ZNF517: variants seen among roughly 807,000 people sequenced by gnomAD.
The protein encoded by ZNF517 is zinc finger protein 517.
ZNF517 carries 12 observed loss-of-function variants against 12.1 expected under a neutral mutation model. The observed-to-expected ratio is 0.99, with a 90% CI of 0.63 to 1.61. ZNF517 has a LOEUF of 1.61. Ranked by LOEUF, ZNF517 falls within the 40% of genes most tolerant of loss-of-function variation. ZNF517 has a pLI of 0.00. For missense variants in ZNF517, 781 were observed against 693.2 expected (o/e 1.13, Z -1.42); for synonymous variants, 388 against 310.2 (o/e 1.25, Z -2.63).
downstream of ZNF517, among the ~76,000 whole-genome samples, chr8:144,812,271 A>G (rs1827580752): frequency 7.1e-6 from 1 of 140,986 alleles, no homozygotes; most frequent in Non-Finnish European, 1.5e-5. Flanking sequence ...GCAGAATGGA[A>G]GCAAAGGCTG....
chr8:144,808,069 C>T lies in ZNF517; in HGVS notation c.1153C>T (p.Leu385=). 1.2e-6 allele frequency: 2 copies of T among 1,609,574 alleles called. No homozygotes were observed. Among genetic ancestry groups the T allele is most frequent in the Non-Finnish European group, 1.7e-6 (2 of 1,178,418 alleles). ...GTTCCGACACAACTCCCTGCTGCTG[C>T]TGCACCTGCGCCTACACACGGGCGA... ...RPFRHNSLLL[L]HLRLHTGEKP... The change falls in exon 5 of 5, where the codon CTG becomes TTG. Residue 385 remains leucine (L), a synonymous_variant. Coordinates refer to ENST00000359971, the MANE Select transcript of ZNF517 (RefSeq NM_213605.3).
chr8:144,808,601 CACT>C lies in ZNF517; in HGVS notation c.*208_*210del. ...CAGCCCGTGGTGTGGCCTCAGGAAC[CACT>C]ATCAGCCACCATTTCCTGGGGCCTT... is the stretch of plus-strand genomic sequence containing the variant. On this transcript the variant is annotated 3_prime_UTR_variant, in exon 5 of 5. Coordinates refer to ENST00000359971, the MANE Select transcript of ZNF517 (RefSeq NM_213605.3). The C allele has an allele frequency of 1.7e-6, 1 of 588,670 alleles. No homozygotes were observed. The highest frequency in any genetic ancestry group is 4.2e-5 in the Admixed American group (1 of 23,976). 36.5% of individuals were successfully genotyped at this position (588,670 alleles called of 1,614,324 possible).
At chr8:144,803,855 T>C in intron 3 of ZNF517, 88 bp downstream of exon 3, 1 of 1,527,530 alleles carries the variant, frequency 6.5e-7, no homozygotes, top group Non-Finnish European at 8.8e-7. Context: ...ATTCAAGGTC[T>C]GACACATTTT....
chr8:144,807,203 A>G lies in ZNF517; in HGVS notation c.287A>G (p.Glu96Gly). The change falls in exon 5 of 5, where the codon GAG becomes GGG. Residue 96 changes from glutamate (E) to glycine (G), a missense_variant. Physicochemically the swap from Glu to Gly is moderately conservative, Grantham distance 98 (BLOSUM62 -2). Transcript: ENST00000359971. ...TTCCTTCTCTCAGATTCCAGGATGGAGGCTGGGATCATGGAGTCTCCTCTG... is the reference window on the plus strand; with the variant it reads ...TTCCTTCTCTCAGATTCCAGGATGGGGGCTGGGATCATGGAGTCTCCTCTG... ...KASLCTDSRMEAGIMESPLQR... is the reference protein window; with the variant it reads ...KASLCTDSRMGAGIMESPLQR... The G allele has an allele frequency of 6.6e-7, 1 of 1,525,498 alleles. No homozygotes were observed. Among genetic ancestry groups the G allele is most frequent in the Non-Finnish European group, 8.8e-7 (1 of 1,138,452 alleles). 94.5% of individuals were successfully genotyped at this position (1,525,498 alleles called of 1,614,324 possible).
At chr8:144,810,404 A>G (rs1827518880), downstream of ZNF517, 2 of 429,176 alleles carry the variant, frequency 4.7e-6, no homozygotes, top group South Asian at 7.4e-5. Flanking sequence ...GGCTGCAGAA[A>G]GAGCCATGGG....
chr8:144,807,259 C>T lies in ZNF517; in HGVS notation c.343C>T (p.Pro115Ser), dbSNP rs1268876726. ...QRKLSRQAGL[P>S]GTVWGCLPWG... Reference sequence around the variant, plus strand: ...AAAGCTCTCCAGGCAGGCAGGACTGCCGGGCACCGTGTGGGGGTGCCTCCC... The same window carrying T: ...AAAGCTCTCCAGGCAGGCAGGACTGTCGGGCACCGTGTGGGGGTGCCTCCC... Residue 115 changes from proline to serine, a missense_variant, in exon 5 of 5, where the codon CCG becomes TCG. Coordinates refer to ENST00000359971, the MANE Select transcript of ZNF517 (RefSeq NM_213605.3). 2 of 1,554,748 alleles carry T rather than the reference C, an allele frequency of 1.3e-6. No homozygotes were observed. The highest frequency in any genetic ancestry group is 2.3e-5 in the East Asian group (1 of 44,388).
At chr8:144,812,857 G>A (rs763618386), downstream of ZNF517, among the ~76,000 whole-genome samples, 2 of 152,072 alleles carry the variant, frequency 1.3e-5, no homozygotes, top group Admixed American at 6.6e-5. Flanking sequence ...AACCCTAAAA[G>A]CTTTATCAAA....
In ZNF517 at chr8:144,808,577, A is replaced by G; in HGVS notation, c.*182A>G. 2 of 878,090 alleles carry G rather than the reference A, an allele frequency of 2.3e-6. No homozygotes were observed. Among genetic ancestry groups the G allele is most frequent in the Non-Finnish European group, 3.1e-6 (2 of 646,540 alleles). 54.4% of individuals were successfully genotyped at this position (878,090 alleles called of 1,614,324 possible). ...ACTGGGGAGGGAAAGGGCACCAGGC[A>G]GCCCGTGGTGTGGCCTCAGGAACCA... On this transcript the variant is annotated 3_prime_UTR_variant, in exon 5 of 5. Transcript: ENST00000359971.
At position 144,810,072 on chromosome 8, in the gene ZNF517, C is replaced by T. The variant is rs886383034; in HGVS notation, c.*1677C>T. The T allele has an allele frequency of 1.3e-5, 7 of 540,712 alleles. No homozygotes were observed. The African/African-American group carries it at 1.3e-4, about 10-fold the overall frequency. 33.5% of individuals were successfully genotyped at this position (540,712 alleles called of 1,614,324 possible). ...TGTCTCAAACAAATAAAAATCCCCT[C>T]TCCTAAACTCCATTATTGGTTTTGT... On this transcript the variant is annotated 3_prime_UTR_variant, in exon 5 of 5. Coordinates refer to ENST00000359971, the MANE Select transcript of ZNF517 (RefSeq NM_213605.3).
intron 4 of ZNF517, 37 bp downstream of exon 4, chr8:144,804,275 G>A: frequency 6.5e-7 from 1 of 1,544,150 alleles, no homozygotes. Context: ...GTCCTGTGCT[G>A]CCAATGTGGC....
chr8:144,805,552 G>A (rs886605216), intron 4 of ZNF517, among the ~76,000 whole-genome samples: 5 of 151,754 alleles, frequency 3.3e-5, no homozygotes, highest in African/African-American at 1.2e-4. Context: ...GGATGGTCTC[G>A]ATCTCCTGAC....
Position 144,807,323 on chromosome 8 carries a change from AC to A in ZNF517, c.410del (p.Pro137ArgfsTer89). 6.4e-7 allele frequency: 1 copy of A among 1,552,594 alleles called. No individual in the cohort carries two copies. Among genetic ancestry groups the A allele is most frequent in the Non-Finnish European group, 8.7e-7 (1 of 1,147,698 alleles). On this transcript the variant is annotated frameshift_variant, in exon 5 of 5. Coordinates refer to ENST00000359971, the MANE Select transcript of ZNF517 (RefSeq NM_213605.3). LOFTEE classifies it low-confidence loss of function (END_TRUNC). The stretch of plus-strand genomic sequence containing the variant: ...GTGGGGGGGCACCCTGCACCACCCC[AC>A]CCGCATGGCGGTCCTGAGGACGGGT... Reference protein sequence around the residue: ...HPVGGHPAPPHPHGGPEDGSD... With the variant: ...HPVGGHPAPPXPHGGPEDGSD...
In ZNF517 at chr8:144,803,765, T is replaced by A. The variant is rs1480122274; in HGVS notation, c.158T>A (p.Leu53Gln). Residue 53 changes from leucine (L) to glutamine (Q), a missense_variant and splice_region_variant, in exon 3 of 5, where the codon CTA becomes CAA. By Grantham distance (113) the Leu-to-Gln change is moderately radical. Coordinates refer to ENST00000359971, the MANE Select transcript of ZNF517 (RefSeq NM_213605.3). ...GAGAACTATGGGAACCTGGCCTCAC[T>A]AGGTGAGGGCTTCTGCCTTTGGTCC... The part of the protein sequence containing the change: ...MLENYGNLAS[L>Q]GFLVAKPALI... The A allele has an allele frequency of 6.2e-7, 1 of 1,613,766 alleles. No homozygotes were observed. The highest frequency in any genetic ancestry group is 1.1e-5 in the South Asian group (1 of 91,082).
At chr8:144,810,577 C>A, downstream of ZNF517, 1 of 230,170 alleles carries the variant, frequency 4.3e-6, no homozygotes, top group Non-Finnish European at 8.5e-6. Flanking sequence ...CAGGAAAGCA[C>A]GAAGGTCAGG....
chr8:144,802,549 G>A (rs1407265371), intron 1 of ZNF517, among the ~76,000 whole-genome samples: 2 of 152,184 alleles, frequency 1.3e-5, no homozygotes, highest in Non-Finnish European at 2.9e-5. Flanking sequence ...CTTGTCTTAT[G>A]TCAGATGGCA....
rs1563811468 is a variant in ZNF517, at chr8:144,808,185, C to G, written c.1269C>G (p.Pro423=). 1.9e-6 allele frequency: 3 copies of G among 1,610,050 alleles called. No individual in the cohort carries two copies. Among genetic ancestry groups the G allele is most frequent in the Non-Finnish European group, 2.5e-6 (3 of 1,178,262 alleles). The change falls in exon 5 of 5, where the codon CCC becomes CCG. Residue 423 remains proline, a synonymous_variant. Transcript: ENST00000359971. ...AGAAGATCCACACCAAGGAGAAGCC[C>G]TTCGCGTGCACCGAGTGCGGCAAGG... ...LHQKIHTKEK[P]FACTECGKAF... is the part of the protein sequence containing the mutation.
In ZNF517 at chr8:144,803,647, G is replaced by A; in HGVS notation, c.40G>A (p.Val14Ile). 6.2e-7 allele frequency: 1 copy of A among 1,614,094 alleles called. No individual in the cohort carries two copies. Among genetic ancestry groups the A allele is most frequent in the Non-Finnish European group, 8.5e-7 (1 of 1,179,962 alleles). Residue 14 changes from valine (V) to isoleucine (I), a missense_variant, in exon 3 of 5, where the codon GTT becomes ATT. Physicochemically the swap from Val to Ile is conservative, Grantham distance 29. Transcript: ENST00000359971. The part of the protein sequence containing the change: ...ALPMPGPQEA[V>I]VFEDVAVYFT... ...GCAGAGTATGTGGTTGCAGGAGGCG[G>A]TTGTGTTCGAGGATGTGGCTGTGTA...
At position 144,807,735 on chromosome 8, in the gene ZNF517, C is replaced by T. The variant is rs765673932; in HGVS notation, c.819C>T (p.Ser273=). 3 of 1,611,904 alleles carry T rather than the reference C, an allele frequency of 1.9e-6. No homozygotes were observed. The highest frequency in any genetic ancestry group is 1.7e-5 in the Admixed American group (1 of 59,964). The part of the protein sequence containing the change: ...CGECGKAFSR[S]SRLLQHQKFH... ...AGTGCGGCAAGGCCTTCAGCCGCAGCTCCCGGCTGCTGCAGCACCAGAAGT... is the reference window on the plus strand; with the variant it reads ...AGTGCGGCAAGGCCTTCAGCCGCAGTTCCCGGCTGCTGCAGCACCAGAAGT... Residue 273 remains serine (S), a synonymous_variant, in exon 5 of 5, where the codon AGC becomes AGT. Coordinates refer to ENST00000359971, the MANE Select transcript of ZNF517 (RefSeq NM_213605.3).
Position 144,809,521 on chromosome 8 carries a change from CT to C in ZNF517, c.*1128del, listed in dbSNP as rs1827473769. ...TGGAGGGAGACACCCATCTCCTGCC[CT>C]TGGACATCAGGACTCCAGGTTCTTC... On this transcript the variant is annotated 3_prime_UTR_variant, in exon 5 of 5. Transcript: ENST00000359971. 6.6e-6 allele frequency: 1 copy of C among 152,270 alleles called. No homozygotes were observed. The highest frequency in any genetic ancestry group is 1.5e-5 in the Non-Finnish European group (1 of 68,078). The allele number at this position is 152,270 out of a possible 1,614,324, so 9.4% of individuals were successfully genotyped here. A position where few individuals can be genotyped will look rare whatever the true frequency, so the allele number is the denominator to read the frequency against.
Sources: gnomAD v4.1 joint callset for allele counts (sites outside exome capture counted in the v4.1 genomes callset) on GRCh38, gnomAD v4.1.1 for gene constraint, MANE v1.5 for transcripts, NCBI Gene and HGNC (gene_info 2026-07-23, HGNC 2026-07-21) for gene names.